The following INVS variants were observed in gnomAD, a reference collection of about 807,000 sequenced individuals.
INVS encodes the protein inversin.
Under a neutral mutation model 108.8 loss-of-function variants are expected in INVS, and 86 were observed. The observed-to-expected ratio is 0.79, with a 90% confidence interval of 0.66 to 0.95. The LOEUF is 0.95. INVS is among the 40% of genes least tolerant of loss of function. The pLI, the probability that INVS is intolerant of heterozygous loss-of-function variation, is 0.00. For missense variants in INVS, 1,169 were observed against 1,297.4 expected, an observed-to-expected ratio of 0.90 and a Z score of 1.52; for synonymous variants, 455 against 473.5, an observed-to-expected ratio of 0.96 and a Z score of 0.51.
In INVS at chr9:100,302,164, C is replaced by A; in HGVS notation, c.*1490C>A. The stretch of plus-strand genomic sequence containing the variant: ...AAATAAGATAGATGTGAATAAACAA[C>A]TTCAAACAGGAGGTACTATGGCCTC... On this transcript the variant is annotated 3_prime_UTR_variant, in exon 17 of 17. Transcript: ENST00000262457. The A allele has an allele frequency of 7.3e-7, 1 of 1,373,660 alleles. No individual in the cohort carries two copies. The highest frequency in any genetic ancestry group is 1.4e-5 in the South Asian group (1 of 70,150). The allele number at this position is 1,373,660 out of a possible 1,614,324, so 85.1% of individuals were successfully genotyped here. A position where few individuals can be genotyped will look rare whatever the true frequency, so the allele number is the denominator to read the frequency against.
At chr9:100,100,897 ATATATG>A (rs1826915889) in intron 1 of INVS, among the ~76,000 whole-genome samples, 5 of 41,180 alleles carry the variant, frequency 1.2e-4, no homozygotes, top group African/African-American at 8.3e-4. Context: ...AATATATATT[ATATATG>A]TATATATATT....
At chr9:100,148,979 C>T (rs923181518) in intron 3 of INVS, among the ~76,000 whole-genome samples, 1 of 151,708 alleles carries the variant, frequency 6.6e-6, no homozygotes, top group Non-Finnish European at 1.5e-5. Context: ...AACAGACTGC[C>T]ATGTATCAAA....
chr9:100,218,364 A>T (rs1431789522), intron 3 of INVS, among the ~76,000 whole-genome samples: 2 of 152,122 alleles, frequency 1.3e-5, no homozygotes, highest in African/African-American at 2.4e-5. Flanking sequence ...CCTCTTCAGT[A>T]CTCCAGTGGG....
chr9:100,284,631 G>A (rs768813348), intron 13 of INVS, 28 bp downstream of exon 13: 4 of 1,607,974 alleles, frequency 2.5e-6, no homozygotes, highest in Non-Finnish European at 3.4e-6. Context: ...GTCATCTTCT[G>A]CCGGCCCATG....
chr9:100,293,965 C>T (rs1312129326), intron 14 of INVS, among the ~76,000 whole-genome samples: 4 of 152,104 alleles, frequency 2.6e-5, no homozygotes, highest in South Asian at 2.1e-4. Context: ...GGTTATGAGA[C>T]GAGACCACCC....
At chr9:100,111,010 A>G (rs1306308848) in intron 2 of INVS, among the ~76,000 whole-genome samples, 1 of 152,188 alleles carries the variant, frequency 6.6e-6, no homozygotes, top group Non-Finnish European at 1.5e-5. Context: ...CCTCAAACCA[A>G]ATTATCTGAT....
At chr9:100,235,567 CA>C (rs1219949226) in intron 5 of INVS, among the ~76,000 whole-genome samples, 1 of 152,066 alleles carries the variant, frequency 6.6e-6, no homozygotes, top group Non-Finnish European at 1.5e-5. Flanking sequence ...CTGGTGGTGA[CA>C]AAAATCCCTC....
At chr9:100,140,143 G>C (rs1431446341) in intron 3 of INVS, among the ~76,000 whole-genome samples, 1 of 152,136 alleles carries the variant, frequency 6.6e-6, no homozygotes, top group African/African-American at 2.4e-5. Flanking sequence ...TGGATTTATA[G>C]ATATTTCATG....
chr9:100,246,620 C>A lies in INVS; in HGVS notation c.911C>A (p.Thr304Lys). 1 of 1,612,090 alleles carries A rather than the reference C, an allele frequency of 6.2e-7. No individual in the cohort carries two copies. The highest frequency in any genetic ancestry group is 8.5e-7 in the Non-Finnish European group (1 of 1,178,312). ...TTAAATCAAGTTTTCTTACAGGAAA[C>A]GGTTAAAGTGTTTTTAAAACATCCT... ...HYAAQSNFAE[T>K]VKVFLKHPSV... Residue 304 changes from threonine to lysine, a missense_variant, in exon 8 of 17, where the codon ACG (threonine) becomes AAG (lysine). Physicochemically the swap from Thr to Lys is moderately conservative, Grantham distance 78. Coordinates refer to ENST00000262457, the MANE Select transcript of INVS (RefSeq NM_014425.5).
intron 3 of INVS, among the ~76,000 whole-genome samples, chr9:100,160,784 A>G (rs1829145057): frequency 6.6e-6 from 1 of 152,004 alleles, no homozygotes; most frequent in Non-Finnish European, 1.5e-5. Context: ...CAGTCCCAAG[A>G]CACATCAAAG....
At chr9:100,152,732 A>T (rs1482284956) in intron 3 of INVS, among the ~76,000 whole-genome samples, 7 of 152,214 alleles carry the variant, frequency 4.6e-5, no homozygotes, top group African/African-American at 1.7e-4. Context: ...ATTTTATAAT[A>T]GTAAAATTAA....
intron 10 of INVS, among the ~76,000 whole-genome samples, chr9:100,262,389 C>A (rs1399202214): frequency 6.6e-6 from 1 of 151,940 alleles, no homozygotes. Flanking sequence ...ATAACCAATT[C>A]AATTCCATTA....
rs1831828320 is a variant in INVS, at chr9:100,240,364, G to A, written c.796+124G>A. The A allele has an allele frequency of 4.4e-6, 3 of 674,158 alleles. No individual in the cohort carries two copies. The South Asian group carries it at 5.5e-5, about 12-fold the overall frequency. The allele number at this position is 674,158 out of a possible 1,614,324, so 41.8% of individuals were successfully genotyped here. A position where few individuals can be genotyped will look rare whatever the true frequency, so the allele number is the denominator to read the frequency against. On this transcript the variant is annotated intron_variant, in intron 6 of 16. Coordinates refer to ENST00000262457, the MANE Select transcript of INVS (RefSeq NM_014425.5). ...TATTTTGATTTCTAACTGATATGTTGCATTGTTTTATAAACTAAATTATAG... is the reference window on the plus strand; with the variant it reads ...TATTTTGATTTCTAACTGATATGTTACATTGTTTTATAAACTAAATTATAG...
intron 3 of INVS, among the ~76,000 whole-genome samples, chr9:100,176,683 G>A (rs1829722136): frequency 6.6e-6 from 1 of 151,912 alleles, no homozygotes; most frequent in Non-Finnish European, 1.5e-5. Flanking sequence ...TCACTATGTT[G>A]GCCAGACTGG....
At chr9:100,268,679 TCTAC>T (rs1346113407) in intron 11 of INVS, among the ~76,000 whole-genome samples, 2 of 152,192 alleles carry the variant, frequency 1.3e-5, no homozygotes, top group East Asian at 3.8e-4. Flanking sequence ...TGTTATTCTC[TCTAC>T]CTTTTTTATG....
chr9:100,300,575 C>T lies in INVS; in HGVS notation c.3099C>T (p.Asn1033=), dbSNP rs368303175. 5.2e-5 allele frequency: 84 copies of T among 1,606,740 alleles called. No individual in the cohort carries two copies. Among genetic ancestry groups the T allele is most frequent in the Non-Finnish European group, 5.6e-5 (66 of 1,173,472 alleles). ...SSVLRLNSVS[N]LQCIHLLENS... is the part of the protein sequence containing the mutation. ...GGTATTTGTTTTTAACAGTGAGCAACCTACAGTGTATACATCTCCTTGAGA... is the reference window on the plus strand; with the variant it reads ...GGTATTTGTTTTTAACAGTGAGCAATCTACAGTGTATACATCTCCTTGAGA... Residue 1033 remains asparagine (N), a synonymous_variant, in exon 17 of 17, where the codon AAC becomes AAT. Coordinates refer to ENST00000262457, the MANE Select transcript of INVS (RefSeq NM_014425.5).
chr9:100,253,002 G>A lies in INVS; in HGVS notation c.1330G>A (p.Glu444Lys). The A allele has an allele frequency of 6.2e-7, 1 of 1,613,884 alleles. No individual in the cohort carries two copies. ...TGCTGATGTTTGCCAGATATTAATAGAAAATAAGATCAATCCAAATGTCCA... is the reference window on the plus strand; with the variant it reads ...TGCTGATGTTTGCCAGATATTAATAAAAAATAAGATCAATCCAAATGTCCA... ...GNADVCQILI[E>K]NKINPNVQDY... is the part of the protein sequence containing the mutation. Residue 444 changes from glutamate (E) to lysine (K), a missense_variant, in exon 10 of 17, where the codon GAA (glutamate) becomes AAA (lysine). Coordinates refer to ENST00000262457, the MANE Select transcript of INVS (RefSeq NM_014425.5).
At chr9:100,101,137 A>G (rs915339925) in intron 1 of INVS, among the ~76,000 whole-genome samples, 3 of 145,182 alleles carry the variant, frequency 2.1e-5, no homozygotes, top group Non-Finnish European at 4.5e-5. Context: ...AAGGGTATAA[A>G]GAACTTTTTT....
intron 12 of INVS, among the ~76,000 whole-genome samples, chr9:100,283,685 C>G (rs1030351411): frequency 6.6e-6 from 1 of 152,304 alleles, no homozygotes; most frequent in Non-Finnish European, 1.5e-5. Context: ...CCAAGGGTTC[C>G]AGCTTTGCCA....
Sources: gnomAD v4.1 joint callset for allele counts (sites outside exome capture counted in the v4.1 genomes callset) on GRCh38, gnomAD v4.1.1 for gene constraint, MANE v1.5 for transcripts, NCBI Gene and HGNC (gene_info 2026-07-23, HGNC 2026-07-21) for gene names.